Variants in MED13 observed in about 807,000 individuals in gnomAD.
MED13 encodes the protein mediator complex subunit 13, also known as mediator of RNA polymerase II transcription subunit 13.
MED13 carries 23 observed loss-of-function variants against 225.2 expected under a neutral mutation model. The ratio of observed to expected loss-of-function variants is 0.10; its 90% CI spans 0.07 to 0.14. MED13 has a LOEUF of 0.14. Among genes scored for constraint, MED13 ranks in the 10% least tolerant of loss-of-function variants. The pLI is 1.00. For synonymous variants in MED13, 942 were observed against 889.2 expected (o/e 1.06, Z -1.06); for missense variants, 2,197 against 2,594.5 (o/e 0.85, Z 3.33).
Position 61,982,524 on chromosome 17 carries a change from T to G in MED13, c.3479A>C (p.Glu1160Ala), listed in dbSNP as rs201188543. 1.2e-6 allele frequency: 2 copies of G among 1,614,210 alleles called. No individual in the cohort carries two copies. The highest frequency in any genetic ancestry group is 1.7e-6 in the Non-Finnish European group (2 of 1,180,028). ...GRNTDCGKEA[E>A]KRFEALRATS... is the part of the protein sequence containing the mutation. ...AGCCCTGAGAGCTTCAAAACGTTTT[T>G]CTGCTTCTTTGCCACAGTCTGTATT... is the stretch of plus-strand genomic sequence containing the variant. The change falls in exon 16 of 30, where the codon GAA becomes GCA. Residue 1160 changes from glutamate to alanine, a missense_variant. By Grantham distance (107) the Glu-to-Ala change is moderately radical. Transcript: ENST00000397786.
At chr17:62,063,443 A>G in intron 1 of MED13, 142 bp from the exon 2 acceptor site, 1 of 569,772 alleles carries the variant, frequency 1.8e-6, no homozygotes, top group East Asian at 2.8e-5. Context: ...AGAACAAAAA[A>G]AGACTTTATA....
intron 3 of MED13, among the ~76,000 whole-genome samples, chr17:62,045,610 G>A (rs1028630723): frequency 2.6e-5 from 4 of 152,032 alleles, no homozygotes; most frequent in Non-Finnish European, 5.9e-5. Context: ...TTTTATAGAA[G>A]AGACTAAAAC....
At chr17:61,946,867 T>G in intron 29 of MED13, 50 bp downstream of exon 29, 2 of 1,456,804 alleles carry the variant, frequency 1.4e-6, no homozygotes, top group Non-Finnish European at 1.9e-6. Flanking sequence ...ATCAACATTA[T>G]ATTCTTTTAA....
At chr17:62,001,330 G>A (rs866323410) in intron 9 of MED13, among the ~76,000 whole-genome samples, 1 of 152,220 alleles carries the variant, frequency 6.6e-6, no homozygotes, top group Middle Eastern at 3.4e-3. Flanking sequence ...ATACATCCCT[G>A]CTACTTCTAA....
chr17:61,946,694 C>T, intron 29 of MED13, 94 bp from the exon 30 acceptor site: 1 of 1,466,710 alleles, frequency 6.8e-7, no homozygotes. Flanking sequence ...CTCAAAGTCA[C>T]CTTAAAAAAG....
chr17:62,017,237 A>G (rs1000035834), intron 8 of MED13, among the ~76,000 whole-genome samples: 7 of 147,672 alleles, frequency 4.7e-5, no homozygotes, highest in African/African-American at 7.4e-5. Flanking sequence ...AAAAAAAAAA[A>G]GCATGAAAGA....
At chr17:61,992,655 T>G in intron 10 of MED13, 34 bp from the exon 11 acceptor site, 1 of 1,445,988 alleles carries the variant, frequency 6.9e-7, no homozygotes, top group Non-Finnish European at 9.7e-7. Context: ...GGCTGAAATA[T>G]ATAATTTACC....
Position 61,945,892 on chromosome 17 carries a change from T to A in MED13, c.*576A>T, listed in dbSNP as rs957672493. On this transcript the variant is annotated 3_prime_UTR_variant, in exon 30 of 30. Coordinates refer to ENST00000397786, the MANE Select transcript of MED13 (RefSeq NM_005121.3). ...CTAAAAGCAACCCTACTGCAACTTT[T>A]TAATTAAGACGATTACATATATTTT... is the stretch of plus-strand genomic sequence containing the variant. 1 of 152,592 alleles carries A rather than the reference T, an allele frequency of 6.6e-6. No homozygotes were observed. Among genetic ancestry groups the A allele is most frequent in the Admixed American group, 6.5e-5 (1 of 15,280 alleles). 9.5% of individuals were successfully genotyped at this position (152,592 alleles called of 1,614,324 possible).
Position 62,039,369 on chromosome 17 carries a change from A to G in MED13, c.471-3761T>C, listed in dbSNP as rs573865226. ...GCGACCTTGGCTCACTGCAGCCTCC[A>G]CTTCCCAGGTTAAAGCGATTCTTCT... is the stretch of plus-strand genomic sequence containing the variant. On this transcript the variant is annotated intron_variant, in intron 3 of 29. Coordinates refer to ENST00000397786, the MANE Select transcript of MED13 (RefSeq NM_005121.3). Among the ~76,000 whole-genome samples the G allele has an allele frequency of 6.6e-5, 10 of 151,994 alleles. No homozygotes were observed. The South Asian group carries it at 2.1e-3, about 32-fold the overall frequency.
chr17:62,021,469 T>C (rs903790678), intron 8 of MED13, among the ~76,000 whole-genome samples: 1 of 150,796 alleles, frequency 6.6e-6, no homozygotes, highest in African/African-American at 2.4e-5. Flanking sequence ...GCAGAGGGGC[T>C]CCTCACTTCC....
rs556945281 is a variant in MED13, at chr17:62,025,606, G to A, written c.1283+3935C>T. On this transcript the variant is annotated intron_variant, in intron 8 of 29. Transcript: ENST00000397786. Reference sequence around the variant, plus strand: ...AACTGCTTGAACCTGGGAGGCGGAGGTTGCAGTGAGCCGAGATCACACCAT... The same window carrying A: ...AACTGCTTGAACCTGGGAGGCGGAGATTGCAGTGAGCCGAGATCACACCAT... 6.6e-5 allele frequency among the ~76,000 whole-genome samples: 10 copies of A among 150,904 alleles called. 1 individual carries two copies. The South Asian group carries it at 2.1e-3, about 32-fold the overall frequency.
rs34715263 is a variant in MED13, at chr17:62,031,619, G to A, written c.834C>T (p.Tyr278=). ...EVLVAGVRMI[Y]PACFVLVPQS... ...GAGGGACTAGAACAAAGCATGCTGG[G>A]TAGATCATTCGGACACCAGCTGAAA... Residue 278 remains tyrosine, a synonymous_variant, in exon 6 of 30, where the codon TAC becomes TAT. Transcript: ENST00000397786. 2,023 of 1,586,642 alleles carry A rather than the reference G, an allele frequency of 1.3e-3. 24 individuals carry two copies. In the African/African-American group the frequency reaches 0.024, roughly 19 times the overall value.
chr17:62,062,333 G>C (rs893254846), intron 2 of MED13, among the ~76,000 whole-genome samples: 4 of 152,048 alleles, frequency 2.6e-5, no homozygotes, highest in Non-Finnish European at 4.4e-5. Context: ...TTCTAAAGTA[G>C]CATTTGGTCC....
chr17:62,033,722 G>A (rs2080777526), intron 5 of MED13, 65 bp downstream of exon 5: 1 of 1,469,468 alleles, frequency 6.8e-7, no homozygotes, highest in Non-Finnish European at 9.3e-7. Flanking sequence ...TTGTTATTCA[G>A]CAAAATATAA....
intron 9 of MED13, among the ~76,000 whole-genome samples, chr17:61,999,678 A>G (rs1038638776): frequency 1.3e-5 from 2 of 152,192 alleles, no homozygotes; most frequent in African/African-American, 4.8e-5. Flanking sequence ...ATGAAAGTCT[A>G]AGAATAAAAA....
chr17:61,999,387 C>T (rs1164209513), intron 9 of MED13, among the ~76,000 whole-genome samples: 3 of 152,054 alleles, frequency 2.0e-5, no homozygotes, highest in East Asian at 3.9e-4. Flanking sequence ...AAACTAAGTG[C>T]TAAACCCATG....
intron 3 of MED13, among the ~76,000 whole-genome samples, chr17:62,042,928 T>C (rs1468050398): frequency 6.6e-6 from 1 of 151,770 alleles, no homozygotes; most frequent in East Asian, 1.9e-4. Flanking sequence ...GGCTGGAGGA[T>C]CACTTGAGGC....
chr17:62,014,362 G>A (rs1237888612), intron 8 of MED13, among the ~76,000 whole-genome samples: 1 of 147,874 alleles, frequency 6.8e-6, no homozygotes, highest in Admixed American at 6.7e-5. Context: ...TGTCACCCAG[G>A]CTGGAGTGCA....
intron 12 of MED13, 82 bp from the exon 13 acceptor site, chr17:61,985,172 C>A: frequency 9.0e-7 from 1 of 1,107,808 alleles, no homozygotes; most frequent in Non-Finnish European, 1.3e-6. Context: ...TATAACTTAA[C>A]AGTAAAGCCC....
Sources: allele counts gnomAD v4.1 joint callset (sites outside exome capture counted in the v4.1 genomes callset), GRCh38; gene constraint gnomAD v4.1.1; transcripts MANE v1.5; gene names NCBI Gene and HGNC (gene_info 2026-07-23, HGNC 2026-07-21).